Variants in PDPR observed in about 807,000 individuals in gnomAD.
PDPR encodes the protein pyruvate dehydrogenase phosphatase regulatory subunit, mitochondrial.
PDPR carries 50 observed loss-of-function variants against 102.2 expected under a neutral mutation model. The observed-to-expected ratio is 0.49, with a 90% CI of 0.39 to 0.62. The LOEUF (loss-of-function observed/expected upper bound fraction) is 0.62. Ranked by LOEUF, PDPR falls within the 20% of genes least tolerant of loss-of-function variation. The pLI, the probability that PDPR is intolerant of heterozygous loss-of-function variation, is 0.00. For synonymous variants in PDPR, 259 were observed against 406.0 expected, an observed-to-expected ratio of 0.64 and a Z score of 4.35; for missense variants, 625 against 1,098.2, an observed-to-expected ratio of 0.57 and a Z score of 6.09.
chr16:70,115,802 T>C (rs1268344447), intron 2 of PDPR, among the ~76,000 whole-genome samples: 1 of 152,092 alleles, frequency 6.6e-6, no homozygotes, highest in African/African-American at 2.4e-5. Context: ...TCCAGAACTG[T>C]AAAAACTCTA....
chr16:70,155,524 G>A (rs889175146), intron 18 of PDPR, among the ~76,000 whole-genome samples: 9 of 152,370 alleles, frequency 5.9e-5, no homozygotes, highest in Non-Finnish European at 1.2e-4. Context: ...TGAAGTGGGA[G>A]AATCACTTGA....
In PDPR at chr16:70,162,150, TAGAA is replaced by T. The variant is rs1245399600; in HGVS notation, c.*5274_*5277del. ...CTTCTTCGGAACAATGGGCGTGGGG[TAGAA>T]AGCTCTTTCAGTGAAGGGTGTTCTA... On this transcript the variant is annotated 3_prime_UTR_variant, in exon 19 of 19. Transcript: ENST00000288050. 6.6e-6 allele frequency: 1 copy of T among 152,522 alleles called. No homozygotes were observed. Among genetic ancestry groups the T allele is most frequent in the Non-Finnish European group, 1.5e-5 (1 of 68,212 alleles). The allele number at this position is 152,522 out of a possible 1,614,324, so 9.4% of individuals were successfully genotyped here.
intron 6 of PDPR, among the ~76,000 whole-genome samples, chr16:70,129,875 A>G (rs1210434177): frequency 1.3e-5 from 2 of 152,288 alleles, no homozygotes; most frequent in African/African-American, 4.8e-5. Context: ...ATAGTTTATG[A>G]TTCCAGGAAT....
At chr16:70,134,677 G>A (rs1267936166) in intron 9 of PDPR, among the ~76,000 whole-genome samples, 3 of 151,684 alleles carry the variant, frequency 2.0e-5, no homozygotes, top group South Asian at 2.1e-4. Context: ...CGCCAGCTAC[G>A]TGGGAGGCTG....
At position 70,159,803 on chromosome 16, in the gene PDPR, G is replaced by T; in HGVS notation, c.*2924G>T. 6.5e-6 allele frequency: 1 copy of T among 153,096 alleles called. No homozygotes were observed. Among genetic ancestry groups the T allele is most frequent in the Non-Finnish European group, 1.5e-5 (1 of 68,602 alleles). 9.5% of individuals were successfully genotyped at this position (153,096 alleles called of 1,614,324 possible). On this transcript the variant is annotated 3_prime_UTR_variant, in exon 19 of 19. Transcript: ENST00000288050. ...CAGTAGATGCCCCAGATCCAGAGCC[G>T]TGGCTGCAAATCCAGCAGGAATAAG...
intron 10 of PDPR, among the ~76,000 whole-genome samples, chr16:70,136,665 A>G (rs1351669492): frequency 6.6e-6 from 1 of 152,214 alleles, no homozygotes; most frequent in Non-Finnish European, 1.5e-5. Context: ...CAGTTATAAC[A>G]AATATTGGTC....
At chr16:70,145,382 T>A (rs970000374) in intron 15 of PDPR, among the ~76,000 whole-genome samples, 1 of 152,228 alleles carries the variant, frequency 6.6e-6, no homozygotes, top group African/African-American at 2.4e-5. Context: ...GTGATCCACC[T>A]GCTTCGGCCT....
At chr16:70,117,574 G>A (rs1475402961) in intron 2 of PDPR, among the ~76,000 whole-genome samples, 1 of 152,088 alleles carries the variant, frequency 6.6e-6, no homozygotes, top group Non-Finnish European at 1.5e-5. Flanking sequence ...ACCTGTATTT[G>A]GGGGAGAGGT....
At chr16:70,120,352 C>T in intron 2 of PDPR, 109 bp from the exon 3 acceptor site, 2 of 675,922 alleles carry the variant, frequency 3.0e-6, no homozygotes, top group African/African-American at 1.8e-5. Context: ...GCCCAGCCAC[C>T]CTCAAATATT....
intron 3 of PDPR, among the ~76,000 whole-genome samples, chr16:70,125,552 CAAAAAAAAAAA>C (rs1164711741): frequency 9.4e-6 from 1 of 106,842 alleles, no homozygotes; most frequent in East Asian, 3.2e-4. Context: ...AACTGCGTCT[CAAAAAAAAAAA>C]AAAAAAAAAA....
At chr16:70,150,324 G>A (rs1332746873) in intron 17 of PDPR, among the ~76,000 whole-genome samples, 3 of 149,642 alleles carry the variant, frequency 2.0e-5, no homozygotes, top group East Asian at 2.0e-4. Context: ...GCTTGGTCTC[G>A]AACTCCTGAC....
At chr16:70,155,074 C>A (rs1966979003) in intron 18 of PDPR, among the ~76,000 whole-genome samples, 1 of 152,146 alleles carries the variant, frequency 6.6e-6, no homozygotes, top group Admixed American at 6.5e-5. Flanking sequence ...CACCTGTAAT[C>A]CCAGCTACTC....
chr16:70,146,128 A>G lies in PDPR; in HGVS notation c.1868-6A>G. 1.2e-6 allele frequency: 2 copies of G among 1,612,360 alleles called. No homozygotes were observed. The highest frequency in any genetic ancestry group is 1.3e-5 in the African/African-American group (1 of 74,898). Reference sequence around the variant, plus strand: ...AGCTGGACATCTCTTGTTCTTTTCCATTTAGCCCTCAATCTGATTGGCCCT... The same window carrying G: ...AGCTGGACATCTCTTGTTCTTTTCCGTTTAGCCCTCAATCTGATTGGCCCT... On this transcript the variant is annotated splice_polypyrimidine_tract_variant and splice_region_variant and intron_variant, in intron 15 of 18. Coordinates refer to ENST00000288050, the MANE Select transcript of PDPR (RefSeq NM_017990.5).
At position 70,141,026 on chromosome 16, in the gene PDPR, T is replaced by C. The variant is rs774111432; in HGVS notation, c.1316-1208T>C. 4.6e-4 allele frequency among the ~76,000 whole-genome samples: 70 copies of C among 152,248 alleles called. 1 individual carries two copies. Among genetic ancestry groups the C allele is most frequent in the Admixed American group, 4.3e-3 (65 of 15,274 alleles). ...ACACTCTTCTGGCTTTTTTTACTTA[T>C]TGCTGTTGAAGATTAGACCTTAAGG... On this transcript the variant is annotated intron_variant, in intron 11 of 18. Transcript: ENST00000288050.
At chr16:70,149,722 T>G (rs1393222640) in intron 17 of PDPR, among the ~76,000 whole-genome samples, 7 of 152,398 alleles carry the variant, frequency 4.6e-5, no homozygotes, top group African/African-American at 1.7e-4. Flanking sequence ...TCTAGTCTTT[T>G]GCTGTTATAA....
At chr16:70,129,250 C>T (rs1174975651) in intron 6 of PDPR, 128 bp downstream of exon 6, 1 of 1,418,022 alleles carries the variant, frequency 7.1e-7, no homozygotes, top group African/African-American at 1.4e-5. Flanking sequence ...TACTCAGCCT[C>T]CATTTTGAAC....
chr16:70,132,517 C>CT (rs1322326034), intron 9 of PDPR, among the ~76,000 whole-genome samples: 1 of 152,070 alleles, frequency 6.6e-6, no homozygotes, highest in African/African-American at 2.4e-5. Flanking sequence ...TTGCCTTATT[C>CT]TTTTTTAATT....
intron 3 of PDPR, among the ~76,000 whole-genome samples, chr16:70,121,560 T>C (rs1288257558): frequency 6.6e-6 from 1 of 152,068 alleles, no homozygotes; most frequent in East Asian, 1.9e-4. Context: ...GGCGTGGTGG[T>C]GTGCACCTGT....
chr16:70,158,548 A>T lies in PDPR; in HGVS notation c.*1669A>T, dbSNP rs1967467414. 1 of 138,874 alleles carries T rather than the reference A, an allele frequency of 7.2e-6. No individual in the cohort carries two copies. The highest frequency in any genetic ancestry group is 2.2e-4 in the South Asian group (1 of 4,592). The allele number at this position is 138,874 out of a possible 1,614,324, so 8.6% of individuals were successfully genotyped here. On this transcript the variant is annotated 3_prime_UTR_variant, in exon 19 of 19. Coordinates refer to ENST00000288050, the MANE Select transcript of PDPR (RefSeq NM_017990.5). Reference sequence around the variant, plus strand: ...ACTAGACCACTCCTAGTGATTACTGACTTTAGTGCCTAAACCTTTTTGGAA... The same window carrying T: ...ACTAGACCACTCCTAGTGATTACTGTCTTTAGTGCCTAAACCTTTTTGGAA...
Sources: allele counts gnomAD v4.1 joint callset (sites outside exome capture counted in the v4.1 genomes callset), GRCh38; gene constraint gnomAD v4.1.1; transcripts MANE v1.5; gene names NCBI Gene and HGNC (gene_info 2026-07-23, HGNC 2026-07-21).